LINGO2: variants seen among roughly 807,000 people sequenced by gnomAD.
The protein encoded by LINGO2 is leucine rich repeat and Ig domain containing 2.
In LINGO2, 14 loss-of-function variants were observed where a neutral mutation model predicts 30.6. The observed-to-expected ratio is 0.46, with a 90% CI of 0.30 to 0.72. The LOEUF (loss-of-function observed/expected upper bound fraction) is 0.72, where lower values mean the gene tolerates loss of function less well. LINGO2 is among the 30% of genes least tolerant of loss of function. The probability of loss-of-function intolerance (pLI) is 0.07; values close to 1 mark genes in which losing one functional copy is unlikely to be tolerated. For synonymous variants in LINGO2, 317 were observed against 288.5 expected, an observed-to-expected ratio of 1.10 and a Z score of -1.00; for missense variants, 729 against 751.7, an observed-to-expected ratio of 0.97 and a Z score of 0.35.
intron 1 of LINGO2, among the ~76,000 whole-genome samples, chr9:28,568,561 A>G (rs1160695765): frequency 6.6e-6 from 1 of 152,108 alleles, no homozygotes; most frequent in African/African-American, 2.4e-5. Flanking sequence ...AAATTGTCAA[A>G]AATCAAAGAC....
the LINGO2 span, among the ~76,000 whole-genome samples, chr9:28,984,502 G>T: frequency 1.3e-4 from 19 of 151,922 alleles, no homozygotes; most frequent in Non-Finnish European, 2.2e-4. Context: ...ATTTGAATCA[G>T]AGGGCACAGG....
chr9:28,282,545 G>C (rs971374431), intron 4 of LINGO2, among the ~76,000 whole-genome samples: 5 of 151,972 alleles, frequency 3.3e-5, no homozygotes, highest in Non-Finnish European at 5.9e-5. Context: ...TCTGCTGCAA[G>C]TTCATGCCAG....
chr9:28,148,064 GTC>G lies in LINGO2; in HGVS notation c.-86-135661_-86-135660del. 9.3e-6 allele frequency: 10 copies of G among 1,074,098 alleles called. No homozygotes were observed. Among genetic ancestry groups the G allele is most frequent in the Non-Finnish European group, 1.0e-5 (9 of 859,360 alleles). The allele number at this position is 1,074,098 out of a possible 1,614,324, so 66.5% of individuals were successfully genotyped here. A position where few individuals can be genotyped will look rare whatever the true frequency, so the allele number is the denominator to read the frequency against. ...ATGCCATTGGCAACCTGCTCGTCTTGTCCATGAGGCCTTCCCAGCTGGCCGGG... is the reference window on the plus strand; with the variant it reads ...ATGCCATTGGCAACCTGCTCGTCTTGCATGAGGCCTTCCCAGCTGGCCGGG... On this transcript the variant is annotated intron_variant, in intron 4 of 5. Coordinates refer to ENST00000379992, the Ensembl canonical transcript of LINGO2. The surrounding 1 kb of genome is among the most constrained non-coding windows in gnomAD (Gnocchi z 5.1).
chr9:28,784,782 T>C, the LINGO2 span, among the ~76,000 whole-genome samples: 2 of 151,908 alleles, frequency 1.3e-5, no homozygotes, highest in African/African-American at 4.8e-5. Context: ...TGAAACCCCG[T>C]CTCTACTAAA....
chr9:28,249,802 AACTTG>A (rs1373276408), intron 4 of LINGO2, among the ~76,000 whole-genome samples: 1 of 152,180 alleles, frequency 6.6e-6, no homozygotes, highest in Non-Finnish European at 1.5e-5. Context: ...CATTACCATT[AACTTG>A]ACTTATTTTG....
chr9:29,113,721 G>C, the LINGO2 span, among the ~76,000 whole-genome samples: 1 of 152,178 alleles, frequency 6.6e-6, no homozygotes, highest in Non-Finnish European at 1.5e-5. Flanking sequence ...TCAAAGACTT[G>C]TAACAGACAA....
chr9:28,586,843 G>A (rs1016107793), intron 1 of LINGO2, among the ~76,000 whole-genome samples: 9 of 151,704 alleles, frequency 5.9e-5, no homozygotes, highest in African/African-American at 2.2e-4. Context: ...ACTCAGAGGA[G>A]GTATTTAAAA....
chr9:28,802,043 A>G, the LINGO2 span, among the ~76,000 whole-genome samples: 2 of 151,840 alleles, frequency 1.3e-5, no homozygotes, highest in Admixed American at 6.6e-5. Context: ...TATGCATAGC[A>G]TATTTGTAAA....
chr9:28,560,837 G>T (rs7030697), intron 1 of LINGO2, among the ~76,000 whole-genome samples: 7,668 of 151,296 alleles, frequency 0.051, 424 homozygotes, highest in African/African-American at 0.13. Flanking sequence ...TGGCTAATTT[G>T]TGTGTGTGTG....
chr9:29,067,537 G>A, the LINGO2 span, among the ~76,000 whole-genome samples: 4 of 151,432 alleles, frequency 2.6e-5, no homozygotes, highest in African/African-American at 7.3e-5. Flanking sequence ...ATCAAGTTTT[G>A]ACAAAAACAC....
intron 5 of LINGO2, among the ~76,000 whole-genome samples, chr9:28,001,804 G>A (rs1041577443): frequency 1.3e-5 from 2 of 152,030 alleles, no homozygotes; most frequent in African/African-American, 4.8e-5. Flanking sequence ...ATCTAGTCAG[G>A]AAAAAAAGGA....
chr9:28,749,927 A>G, the LINGO2 span, among the ~76,000 whole-genome samples: 4 of 152,230 alleles, frequency 2.6e-5, no homozygotes, highest in South Asian at 6.2e-4. Flanking sequence ...ATAAATTACT[A>G]TAATTAGTAT....
chr9:28,933,718 AT>A, the LINGO2 span, among the ~76,000 whole-genome samples: 1 of 152,204 alleles, frequency 6.6e-6, no homozygotes, highest in African/African-American at 2.4e-5. Flanking sequence ...GCCCAAGGCC[AT>A]TGTGACCTTA....
rs188939639 is a variant in LINGO2, at chr9:28,448,157, G to T, written c.-279+27783C>A. 3.9e-5 allele frequency among the ~76,000 whole-genome samples: 6 copies of T among 152,176 alleles called. No individual in the cohort carries two copies. The East Asian group carries it at 1.2e-3, about 29-fold the overall frequency. On this transcript the variant is annotated intron_variant, in intron 2 of 5. Coordinates refer to ENST00000379992, the Ensembl canonical transcript of LINGO2. ...TTAAGATCTAAAAATATCTTGAAAA[G>T]ATAGAATAAAGGACAAATAAAACCA...
At chr9:28,990,719 C>A in the LINGO2 span, among the ~76,000 whole-genome samples, 2 of 151,134 alleles carry the variant, frequency 1.3e-5, no homozygotes, top group Non-Finnish European at 2.9e-5. Context: ...TGTTCTGCAG[C>A]CACCACTGCT....
At chr9:29,014,654 T>C in the LINGO2 span, among the ~76,000 whole-genome samples, 1 of 152,190 alleles carries the variant, frequency 6.6e-6, no homozygotes, top group African/African-American at 2.4e-5. Flanking sequence ...AGTAAAATGC[T>C]ATTATTTGTG....
chr9:29,125,453 T>C, the LINGO2 span, among the ~76,000 whole-genome samples: 1 of 151,896 alleles, frequency 6.6e-6, no homozygotes, highest in Non-Finnish European at 1.5e-5. Flanking sequence ...ATACATAGTT[T>C]AATAACCAAT....
the LINGO2 span, among the ~76,000 whole-genome samples, chr9:28,847,019 C>A: frequency 1.4e-5 from 2 of 146,080 alleles, no homozygotes; most frequent in East Asian, 2.0e-4. Context: ...AAAGCTTATT[C>A]CTACAAGTGG....
intron 4 of LINGO2, among the ~76,000 whole-genome samples, chr9:28,118,488 C>T (rs1190666970): frequency 6.6e-6 from 1 of 152,112 alleles, no homozygotes; most frequent in African/African-American, 2.4e-5. Context: ...AGTGCAATAA[C>T]TTATTCAGTA....
Sources: allele counts gnomAD v4.1 joint callset (sites outside exome capture counted in the v4.1 genomes callset), GRCh38; gene constraint gnomAD v4.1.1; non-coding constraint Gnocchi (gnomAD v3.1); transcripts MANE v1.5; gene names NCBI Gene and HGNC (gene_info 2026-07-23, HGNC 2026-07-21).